PIP5K1B: variants seen among roughly 807,000 people sequenced by gnomAD.
PIP5K1B encodes phosphatidylinositol-4-phosphate 5-kinase type 1 beta.
Under a neutral mutation model 67.0 loss-of-function variants are expected in PIP5K1B, and 42 were observed. That is an observed-to-expected ratio of 0.63 (90% CI 0.49 to 0.81). The LOEUF is 0.81. Among genes scored for constraint, PIP5K1B ranks in the 30% least tolerant of loss-of-function variants. The probability of loss-of-function intolerance (pLI) is 0.00; values close to 1 mark genes in which losing one functional copy is unlikely to be tolerated. For synonymous variants in PIP5K1B, 214 were observed against 231.4 expected (o/e 0.92, Z 0.68); for missense variants, 459 against 646.3 (o/e 0.71, Z 3.14).
intron 2 of PIP5K1B, among the ~76,000 whole-genome samples, chr9:68,808,149 G>C (rs768342274): frequency 4.9e-4 from 74 of 152,190 alleles, no homozygotes; most frequent in Admixed American, 2.6e-3. Flanking sequence ...AGTGAGCAGC[G>C]ATCATGCCAC....
chr9:68,873,246 T>C (rs1027770533), intron 5 of PIP5K1B, among the ~76,000 whole-genome samples: 23 of 151,664 alleles, frequency 1.5e-4, no homozygotes, highest in African/African-American at 5.3e-4. Flanking sequence ...TGCCTGATCA[T>C]ATCGTCAGCT....
At chr9:68,820,122 G>T (rs1331381306) in intron 3 of PIP5K1B, among the ~76,000 whole-genome samples, 1 of 152,056 alleles carries the variant, frequency 6.6e-6, no homozygotes, top group Non-Finnish European at 1.5e-5. Context: ...TTTAAAAGCT[G>T]CAAAGTCTTA....
chr9:68,833,813 G>A (rs1834451119), intron 4 of PIP5K1B, among the ~76,000 whole-genome samples: 1 of 152,232 alleles, frequency 6.6e-6, no homozygotes, highest in African/African-American at 2.4e-5. Flanking sequence ...GGTGGATGCT[G>A]TGACCATCTG....
chr9:68,962,730 T>A (rs917321457), intron 14 of PIP5K1B, among the ~76,000 whole-genome samples: 4 of 152,200 alleles, frequency 2.6e-5, no homozygotes, highest in Non-Finnish European at 4.4e-5. Flanking sequence ...CCTGTTTTCA[T>A]TTCTGGTCCC....
chr9:68,762,264 A>G (rs1830219346), intron 2 of PIP5K1B, among the ~76,000 whole-genome samples: 1 of 139,950 alleles, frequency 7.1e-6, no homozygotes, highest in African/African-American at 2.7e-5. Context: ...AATCAAAAAT[A>G]TCATAAATGT....
chr9:68,749,280 C>A (rs1418291016), intron 2 of PIP5K1B, among the ~76,000 whole-genome samples: 2 of 152,094 alleles, frequency 1.3e-5, no homozygotes, highest in African/African-American at 4.8e-5. Flanking sequence ...GAGGGACATG[C>A]AGGGGAAGGT....
intron 8 of PIP5K1B, among the ~76,000 whole-genome samples, chr9:68,905,373 C>T (rs577414346): frequency 2.6e-5 from 4 of 152,192 alleles, no homozygotes; most frequent in South Asian, 2.1e-4. Context: ...TGGATTCTGA[C>T]GTAAGCCAGT....
intron 2 of PIP5K1B, among the ~76,000 whole-genome samples, chr9:68,801,147 T>A (rs1832581142): frequency 6.6e-6 from 1 of 152,074 alleles, no homozygotes; most frequent in Non-Finnish European, 1.5e-5. Context: ...ATTTAATTTG[T>A]GTGTGTGAGG....
At chr9:68,918,441 A>G (rs1826209289) in intron 9 of PIP5K1B, among the ~76,000 whole-genome samples, 1 of 152,188 alleles carries the variant, frequency 6.6e-6, no homozygotes, top group Non-Finnish European at 1.5e-5. Context: ...TTCGCAATTC[A>G]GAGCTTTTTG....
chr9:68,870,236 A>G (rs1302072048), intron 5 of PIP5K1B, among the ~76,000 whole-genome samples: 1 of 152,160 alleles, frequency 6.6e-6, no homozygotes, highest in Non-Finnish European at 1.5e-5. Context: ...TTCCCAGTAA[A>G]TGACATCCCG....
intron 1 of PIP5K1B, among the ~76,000 whole-genome samples, chr9:68,739,163 A>G (rs905348462): frequency 2.5e-4 from 38 of 152,240 alleles, no homozygotes; most frequent in Admixed American, 2.4e-3. Flanking sequence ...TTTAAACTTC[A>G]TATTTTATTT....
chr9:68,894,109 T>C (rs907169520), intron 7 of PIP5K1B, among the ~76,000 whole-genome samples: 1 of 152,248 alleles, frequency 6.6e-6, no homozygotes, highest in African/African-American at 2.4e-5. Context: ...TGGGACATTA[T>C]GTCCAATCCA....
chr9:68,756,591 T>A (rs905627440), intron 2 of PIP5K1B, among the ~76,000 whole-genome samples: 1 of 145,036 alleles, frequency 6.9e-6, no homozygotes, highest in African/African-American at 2.6e-5. Flanking sequence ...TCTTTCACCT[T>A]GTTTGAGGAT....
At chr9:68,959,324 A>G (rs967317673) in intron 14 of PIP5K1B, among the ~76,000 whole-genome samples, 2 of 152,120 alleles carry the variant, frequency 1.3e-5, no homozygotes, top group Non-Finnish European at 2.9e-5. Flanking sequence ...TACATTATAC[A>G]TATTTCTATG....
At chr9:68,720,035 C>A (rs1250142623) in intron 1 of PIP5K1B, among the ~76,000 whole-genome samples, 1 of 152,216 alleles carries the variant, frequency 6.6e-6, no homozygotes, top group East Asian at 1.9e-4. Context: ...TAAAGTTTCA[C>A]AAGAGCAGGA....
chr9:69,001,296 CGTT>C (rs1830815163), intron 15 of PIP5K1B, among the ~76,000 whole-genome samples: 1 of 152,012 alleles, frequency 6.6e-6, no homozygotes, highest in South Asian at 2.1e-4. Flanking sequence ...AAGCCAGTGG[CGTT>C]GTCCTCAGGC....
chr9:68,833,531 A>G (rs1834432407), intron 4 of PIP5K1B, among the ~76,000 whole-genome samples: 2 of 152,218 alleles, frequency 1.3e-5, no homozygotes, highest in Non-Finnish European at 2.9e-5. Flanking sequence ...TGAGGGGAGT[A>G]GGTGCTACTG....
At chr9:68,951,948 A>T (rs1268801867) in intron 14 of PIP5K1B, among the ~76,000 whole-genome samples, 1 of 152,130 alleles carries the variant, frequency 6.6e-6, no homozygotes, top group Admixed American at 6.6e-5. Flanking sequence ...TTAGCTAATA[A>T]CTGCCCACTA....
chr9:68,874,631 C>T (rs953690256), intron 5 of PIP5K1B, among the ~76,000 whole-genome samples: 1 of 152,234 alleles, frequency 6.6e-6, no homozygotes, highest in South Asian at 2.1e-4. Context: ...ATGCAGCATC[C>T]TCTCTGATAA....
Sources: allele counts gnomAD v4.1 joint callset (sites outside exome capture counted in the v4.1 genomes callset), GRCh38; gene constraint gnomAD v4.1.1; transcripts MANE v1.5; gene names NCBI Gene and HGNC (gene_info 2026-07-23, HGNC 2026-07-21).